SLC14A2: variants seen among roughly 807,000 people sequenced by gnomAD.
The protein encoded by SLC14A2 is urea transporter 2.
In SLC14A2, 91 loss-of-function variants were observed where a neutral mutation model predicts 104.6. The observed-to-expected ratio is 0.87, with a 90% confidence interval of 0.73 to 1.04. The LOEUF (loss-of-function observed/expected upper bound fraction) is 1.04, where lower values mean the gene tolerates loss of function less well. SLC14A2 is among the 50% of genes least tolerant of loss of function. The pLI is 0.00. For synonymous variants in SLC14A2, 476 were observed against 466.4 expected, an observed-to-expected ratio of 1.02 and a Z score of -0.27; for missense variants, 1,189 against 1,156.0, an observed-to-expected ratio of 1.03 and a Z score of -0.41.
At chr18:45,536,460 G>A (rs1019488777) in intron 2 of SLC14A2, among the ~76,000 whole-genome samples, 1 of 152,104 alleles carries the variant, frequency 6.6e-6, no homozygotes, top group African/African-American at 2.4e-5. Context: ...GCTGATGGCC[G>A]GCAGTCCTTG....
chr18:45,375,392 A>G (rs2085763040), intron 1 of SLC14A2, among the ~76,000 whole-genome samples: 1 of 152,154 alleles, frequency 6.6e-6, no homozygotes, highest in African/African-American at 2.4e-5. Flanking sequence ...CAGATCGATA[A>G]ACTGGCTCAT....
chr18:45,663,337 C>T (rs2045961865), intron 10 of SLC14A2, among the ~76,000 whole-genome samples: 1 of 152,160 alleles, frequency 6.6e-6, no homozygotes, highest in Non-Finnish European at 1.5e-5. Flanking sequence ...CATGGGCATT[C>T]AAAACTTTAA....
At chr18:45,451,513 T>G (rs2705383) in intron 1 of SLC14A2, among the ~76,000 whole-genome samples, 129,541 of 151,942 alleles carry the variant, frequency 0.85, 55,246 homozygotes, top group South Asian at 0.93. Context: ...GGTAGGATTT[T>G]GTTTATTTAA....
intron 1 of SLC14A2, among the ~76,000 whole-genome samples, chr18:45,399,064 T>G (rs2086067091): frequency 6.6e-6 from 1 of 152,220 alleles, no homozygotes; most frequent in Non-Finnish European, 1.5e-5. Context: ...TCCATCTCAT[T>G]TCATCCTCAC....
chr18:45,273,833 T>C (rs930382423), intron 1 of SLC14A2, among the ~76,000 whole-genome samples: 8 of 151,680 alleles, frequency 5.3e-5, no homozygotes, highest in African/African-American at 1.7e-4. Flanking sequence ...TGCAAGGCAT[T>C]TTTTCTTCTC....
intron 1 of SLC14A2, among the ~76,000 whole-genome samples, chr18:45,353,294 A>G (rs180963509): frequency 1.3e-5 from 2 of 152,352 alleles, no homozygotes; most frequent in African/African-American, 4.8e-5. Flanking sequence ...ACAATTATAC[A>G]TATCCACAGT....
intron 1 of SLC14A2, among the ~76,000 whole-genome samples, chr18:45,221,968 A>G (rs1359760803): frequency 6.6e-6 from 1 of 152,172 alleles, no homozygotes. Context: ...GGTGGATCAA[A>G]AATGAGCATA....
chr18:45,260,754 A>G (rs1159102856), intron 1 of SLC14A2, among the ~76,000 whole-genome samples: 1 of 152,162 alleles, frequency 6.6e-6, no homozygotes, highest in African/African-American at 2.4e-5. Flanking sequence ...TGTAGAATCA[A>G]CAATGTACTG....
intron 2 of SLC14A2, among the ~76,000 whole-genome samples, chr18:45,525,813 T>C (rs1436248038): frequency 6.6e-6 from 1 of 152,162 alleles, no homozygotes; most frequent in Non-Finnish European, 1.5e-5. Flanking sequence ...CATTTACAGT[T>C]GTACAAATTC....
chr18:45,199,248 G>T, the SLC14A2 span, among the ~76,000 whole-genome samples: 3 of 151,942 alleles, frequency 2.0e-5, no homozygotes, highest in Non-Finnish European at 4.4e-5. Flanking sequence ...TACACATTAG[G>T]CTTTTCTAAT....
At chr18:45,363,267 G>A (rs562695393) in intron 1 of SLC14A2, among the ~76,000 whole-genome samples, 7 of 152,076 alleles carry the variant, frequency 4.6e-5, no homozygotes, top group Non-Finnish European at 7.4e-5. Flanking sequence ...GCTCACTTTC[G>A]GGTCCTTAGC....
intron 2 of SLC14A2, among the ~76,000 whole-genome samples, chr18:45,566,315 T>A (rs1441601327): frequency 2.0e-5 from 3 of 152,314 alleles, no homozygotes; most frequent in Admixed American, 2.0e-4. Context: ...TAGATTCAGA[T>A]AGTCTGATTT....
At chr18:45,660,695 G>A (rs982057987) in intron 10 of SLC14A2, among the ~76,000 whole-genome samples, 1 of 152,146 alleles carries the variant, frequency 6.6e-6, no homozygotes, top group African/African-American at 2.4e-5. Context: ...GTGACTTCTG[G>A]TTCCCACCAG....
At chr18:45,555,719 G>A (rs2044123646) in intron 2 of SLC14A2, among the ~76,000 whole-genome samples, 1 of 152,190 alleles carries the variant, frequency 6.6e-6, no homozygotes, top group African/African-American at 2.4e-5. Flanking sequence ...CCTCCAGCTT[G>A]AGTTTTCTCC....
intron 1 of SLC14A2, among the ~76,000 whole-genome samples, chr18:45,248,528 A>T (rs1247944755): frequency 2.0e-5 from 3 of 152,012 alleles, no homozygotes; most frequent in African/African-American, 4.8e-5. Context: ...GGACTAAAAA[A>T]GTTGGTTGAG....
chr18:45,280,024 A>G (rs2084745534), intron 1 of SLC14A2, among the ~76,000 whole-genome samples: 1 of 152,118 alleles, frequency 6.6e-6, no homozygotes. Flanking sequence ...AAATATCTCT[A>G]CACATTGCCA....
intron 2 of SLC14A2, among the ~76,000 whole-genome samples, chr18:45,489,473 T>C (rs975598510): frequency 2.0e-5 from 3 of 152,168 alleles, no homozygotes; most frequent in African/African-American, 7.2e-5. Context: ...ATCGTACCAC[T>C]GCACTCCCGC....
Position 45,372,801 on chromosome 18 carries a change from C to T in SLC14A2, c.-124-110432C>T, listed in dbSNP as rs181607045. Reference sequence around the variant, plus strand: ...GGAATTTTAAATTTTCTAGTATCCACGTTTTTTAAAGTTTAAAAAAGATTA... The same window carrying T: ...GGAATTTTAAATTTTCTAGTATCCATGTTTTTTAAAGTTTAAAAAAGATTA... On this transcript the variant is annotated intron_variant, in intron 1 of 20. Coordinates refer to the SLC14A2 transcript ENST00000586448. Among the ~76,000 whole-genome samples, 367 of 152,026 alleles carry T rather than the reference C, an allele frequency of 2.4e-3. 1 individual carries two copies. Among genetic ancestry groups the T allele is most frequent in the African/African-American group, 8.4e-3 (350 of 41,434 alleles).
chr18:45,471,882 G>GT (rs34725885), intron 1 of SLC14A2, among the ~76,000 whole-genome samples: 35 of 151,526 alleles, frequency 2.3e-4, no homozygotes, highest in Admixed American at 6.6e-4. Flanking sequence ...GTCTATAATA[G>GT]TTTTTTTTAT....
Sources: allele counts gnomAD v4.1 joint callset (sites outside exome capture counted in the v4.1 genomes callset), GRCh38; gene constraint gnomAD v4.1.1; transcripts MANE v1.5; gene names NCBI Gene and HGNC (gene_info 2026-07-23, HGNC 2026-07-21).